The following OSBPL8 variants were observed in gnomAD, a reference collection of about 807,000 sequenced individuals.
OSBPL8 encodes oxysterol-binding protein-related protein 8.
Under a neutral mutation model 125.5 loss-of-function variants are expected in OSBPL8, and 59 were observed. That is an observed-to-expected ratio of 0.47 (90% CI 0.38 to 0.58). The LOEUF is 0.58. Among genes scored for constraint, OSBPL8 ranks in the 20% least tolerant of loss-of-function variants. The pLI, the probability that OSBPL8 is intolerant of heterozygous loss-of-function variation, is 0.00. For missense variants in OSBPL8, 758 were observed against 1,047.8 expected (o/e 0.72, Z 3.82); for synonymous variants, 330 against 338.9 (o/e 0.97, Z 0.29).
chr12:76,379,960 G>A (rs956713782), intron 15 of OSBPL8, among the ~76,000 whole-genome samples: 1 of 152,160 alleles, frequency 6.6e-6, no homozygotes, highest in Non-Finnish European at 1.5e-5. Flanking sequence ...TTGACCATGT[G>A]TACAGGTCTA....
At chr12:76,509,812 G>C (rs1358286436) in intron 1 of OSBPL8, among the ~76,000 whole-genome samples, 1 of 152,112 alleles carries the variant, frequency 6.6e-6, no homozygotes, top group Non-Finnish European at 1.5e-5. Context: ...TGCAACAGGG[G>C]AGCAGAAGAA....
intron 5 of OSBPL8, among the ~76,000 whole-genome samples, chr12:76,409,017 T>G (rs1954396251): frequency 6.6e-6 from 1 of 151,978 alleles, no homozygotes; most frequent in South Asian, 2.1e-4. Flanking sequence ...AAACTATAAA[T>G]CTCATTGTAT....
chr12:76,477,259 GTA>G (rs1259899399), intron 2 of OSBPL8, among the ~76,000 whole-genome samples: 1 of 152,100 alleles, frequency 6.6e-6, no homozygotes, highest in Non-Finnish European at 1.5e-5. Context: ...AAGAGCTATT[GTA>G]TATGTGGATT....
chr12:76,507,648 C>G (rs1880545117), intron 1 of OSBPL8, among the ~76,000 whole-genome samples: 1 of 147,838 alleles, frequency 6.8e-6, no homozygotes, highest in Non-Finnish European at 1.5e-5. Context: ...GGTGAAACCC[C>G]ATCTCTTCCA....
At chr12:76,396,732 T>A (rs1002492858) in intron 8 of OSBPL8, among the ~76,000 whole-genome samples, 1 of 152,102 alleles carries the variant, frequency 6.6e-6, no homozygotes, top group Non-Finnish European at 1.5e-5. Flanking sequence ...CCAGCCTAGG[T>A]GACAGTAAAA....
intron 2 of OSBPL8, among the ~76,000 whole-genome samples, chr12:76,465,771 C>A (rs1264899250): frequency 3.3e-5 from 5 of 151,880 alleles, no homozygotes; most frequent in Non-Finnish European, 7.4e-5. Flanking sequence ...TTTGGGAGGC[C>A]AAGGTGGGAG....
chr12:76,478,634 A>G (rs577454147), intron 2 of OSBPL8, among the ~76,000 whole-genome samples: 221 of 148,534 alleles, frequency 1.5e-3, no homozygotes, highest in African/African-American at 5.3e-3. Context: ...ATAAGGTAAG[A>G]AAAAAAAAAA....
intron 17 of OSBPL8, 67 bp downstream of exon 17, chr12:76,375,206 C>T: frequency 1.9e-6 from 2 of 1,038,894 alleles, no homozygotes; most frequent in Non-Finnish European, 2.9e-6. Flanking sequence ...TACATGGTGC[C>T]CTTTATTCAA....
In OSBPL8 at chr12:76,352,557, G is replaced by C. The variant is rs1289406318; in HGVS notation, c.*3332C>G. The C allele has an allele frequency of 1.3e-5, 2 of 152,440 alleles. No individual in the cohort carries two copies. The highest frequency in any genetic ancestry group is 4.8e-5 in the African/African-American group (2 of 41,432). The allele number at this position is 152,440 out of a possible 1,614,324, so 9.4% of individuals were successfully genotyped here. The stretch of plus-strand genomic sequence containing the variant: ...ATAGAAATTGAAATGTAAACTTACT[G>C]ATTTCTGTGGGATTTTCCCCACTGG... On this transcript the variant is annotated 3_prime_UTR_variant, in exon 24 of 24. Coordinates refer to ENST00000261183, the MANE Select transcript of OSBPL8 (RefSeq NM_020841.5).
In OSBPL8 at chr12:76,520,380, T is replaced by A. The variant is rs74826325; in HGVS notation, c.-67-32762A>T. Among the ~76,000 whole-genome samples, 309 of 152,228 alleles carry A rather than the reference T, an allele frequency of 2.0e-3. 10 individuals carry two copies. In the East Asian group the frequency reaches 0.053, roughly 26 times the overall value. On this transcript the variant is annotated intron_variant, in intron 1 of 23. Transcript: ENST00000261183. ...TTGTTTATCTATCTGCCTCCCCCCA[T>A]TAGATCCAAGGCTCCATAAGGAAAA...
intron 4 of OSBPL8, among the ~76,000 whole-genome samples, chr12:76,435,075 T>C (rs1016229786): frequency 6.6e-6 from 1 of 152,090 alleles, no homozygotes; most frequent in Non-Finnish European, 1.5e-5. Context: ...ATAGCATTAC[T>C]CACAATAGCG....
At chr12:76,397,593 T>C (rs1953865217) in intron 8 of OSBPL8, 101 bp downstream of exon 8, 1 of 1,161,000 alleles carries the variant, frequency 8.6e-7, no homozygotes, top group Admixed American at 2.4e-5. Context: ...AACAGATTTA[T>C]AAGTCCTGGC....
At position 76,386,271 on chromosome 12, in the gene OSBPL8, TAAA is replaced by T. The variant is rs72247585; in HGVS notation, c.1435-8_1435-6del. On this transcript the variant is annotated splice_region_variant and splice_polypyrimidine_tract_variant and intron_variant, in intron 13 of 23. Transcript: ENST00000261183. ...ATTATAAGGTTTCTTCAGTCCCTGG[TAAA>T]AAAAAAAAAAAGCAATTTCAAATTA... The T allele has an allele frequency of 1.0e-4, 147 of 1,472,718 alleles. No individual in the cohort carries two copies. The highest frequency in any genetic ancestry group is 5.5e-4 in the South Asian group (41 of 74,010). The allele number at this position is 1,472,718 out of a possible 1,614,324, so 91.2% of individuals were successfully genotyped here.
At chr12:76,521,664 G>A (rs1370966556) in intron 1 of OSBPL8, among the ~76,000 whole-genome samples, 1 of 152,116 alleles carries the variant, frequency 6.6e-6, no homozygotes, top group African/African-American at 2.4e-5. Flanking sequence ...AGACATTGAG[G>A]ACATTATGCT....
In OSBPL8 at chr12:76,352,971, T is replaced by C. The variant is rs1951873802; in HGVS notation, c.*2918A>G. 6.6e-6 allele frequency: 1 copy of C among 152,464 alleles called. No individual in the cohort carries two copies. Among genetic ancestry groups the C allele is most frequent in the African/African-American group, 2.4e-5 (1 of 41,436 alleles). 9.4% of individuals were successfully genotyped at this position (152,464 alleles called of 1,614,324 possible). A position where few individuals can be genotyped will look rare whatever the true frequency, so the allele number is the denominator to read the frequency against. The stretch of plus-strand genomic sequence containing the variant: ...ACCCCTATAAAAGATAGTATTATTG[T>C]TTAAATATACTATAGCTATATAAAA... On this transcript the variant is annotated 3_prime_UTR_variant, in exon 24 of 24. Coordinates refer to ENST00000261183, the MANE Select transcript of OSBPL8 (RefSeq NM_020841.5).
chr12:76,527,880 T>C (rs1296800323), intron 1 of OSBPL8, among the ~76,000 whole-genome samples: 1 of 152,238 alleles, frequency 6.6e-6, no homozygotes. Context: ...AAAGGTAGTC[T>C]AGAGTAACAG....
chr12:76,456,406 C>G (rs549780814), intron 3 of OSBPL8, among the ~76,000 whole-genome samples: 206 of 152,158 alleles, frequency 1.4e-3, no homozygotes, highest in African/African-American at 3.9e-3. Flanking sequence ...CCTGTAATCC[C>G]AGCACTTTGG....
At chr12:76,415,405 G>A (rs1309271036) in intron 4 of OSBPL8, among the ~76,000 whole-genome samples, 2 of 151,856 alleles carry the variant, frequency 1.3e-5, no homozygotes, top group Admixed American at 6.6e-5. Context: ...ATGCCACCAG[G>A]CCCAGCTAAT....
At chr12:76,366,961 C>CA (rs1952439320) in intron 21 of OSBPL8, among the ~76,000 whole-genome samples, 1 of 152,110 alleles carries the variant, frequency 6.6e-6, no homozygotes, top group Non-Finnish European at 1.5e-5. Context: ...TATGGCATAA[C>CA]ATATGGTCTA....
Sources: allele counts gnomAD v4.1 joint callset (sites outside exome capture counted in the v4.1 genomes callset), GRCh38; gene constraint gnomAD v4.1.1; transcripts MANE v1.5; gene names NCBI Gene and HGNC (gene_info 2026-07-23, HGNC 2026-07-21).